The following HYDIN variants were observed in gnomAD, a reference collection of about 807,000 sequenced individuals.
The protein encoded by HYDIN is axonemal central pair apparatus protein HYDIN.
A neutral mutation model predicts 403.9 loss-of-function variants in HYDIN; 132 were observed. The observed-to-expected ratio is 0.33, with a 90% CI of 0.28 to 0.38. The LOEUF is 0.38. HYDIN is among the 10% of genes least tolerant of loss of function. The probability of loss-of-function intolerance (pLI) is 1.00; values close to 1 mark genes in which losing one functional copy is unlikely to be tolerated. For synonymous variants in HYDIN, 1,202 were observed against 1,891.7 expected (o/e 0.64, Z 9.46); for missense variants, 2,827 against 5,009.5 (o/e 0.56, Z 13.15).
rs905611310 is a variant in HYDIN at position 70,840,048 on chromosome 16, C to G, written c.13043+16G>C. ...GCAGCTAGAGAATCATTTGGAGGCT[C>G]TGGAAGCCTGCTTACCTCATAGGTG... On this transcript the variant is annotated intron_variant, in intron 76 of 85. Transcript: ENST00000393567. 1.6e-6 allele frequency: 1 copy of G among 621,270 alleles called. No homozygotes were observed. The allele number at this position is 621,270 out of a possible 1,614,324, so 38.5% of individuals were successfully genotyped here. A position where few individuals can be genotyped will look rare whatever the true frequency, so the allele number is the denominator to read the frequency against.
At chr16:71,079,559 A>G (rs1294000483) in intron 13 of HYDIN, among the ~76,000 whole-genome samples, 2 of 152,146 alleles carry the variant, frequency 1.3e-5, no homozygotes, top group Non-Finnish European at 2.9e-5. Context: ...CTTCTAGATG[A>G]AAGAGTTTTA....
intron 83 of HYDIN, among the ~76,000 whole-genome samples, chr16:70,821,951 T>G (rs1395096584): frequency 6.6e-6 from 1 of 152,192 alleles, no homozygotes; most frequent in Non-Finnish European, 1.5e-5. Context: ...TCTTTAATAA[T>G]GCACCTGGAC....
At chr16:71,082,244 T>C (rs2144346061) in intron 12 of HYDIN, among the ~76,000 whole-genome samples, 1 of 152,286 alleles carries the variant, frequency 6.6e-6, no homozygotes, top group African/African-American at 2.4e-5. Context: ...ACAGATGATG[T>C]ATTATACATG....
At chr16:70,892,634 G>A (rs1335580372) in intron 55 of HYDIN, 105 bp from the exon 56 acceptor site, 2 of 1,140,108 alleles carry the variant, frequency 1.8e-6, no homozygotes, top group South Asian at 1.7e-5. Context: ...TTCCAGCCCT[G>A]TTTAGCCACT....
chr16:70,876,064 T>C (rs566767748), intron 62 of HYDIN, among the ~76,000 whole-genome samples: 110 of 152,002 alleles, frequency 7.2e-4, no homozygotes, highest in Middle Eastern at 3.4e-3. Flanking sequence ...GAGGAGTAAA[T>C]AGACCAGGAT....
intron 10 of HYDIN, among the ~76,000 whole-genome samples, chr16:71,109,410 C>T (rs4788528): frequency 0.029 from 3,475 of 120,536 alleles, 582 homozygotes; most frequent in African/African-American, 0.2. Flanking sequence ...ATTATTTATA[C>T]GTATTTGCTT....
At chr16:70,994,355 G>C (rs2079460656) in intron 23 of HYDIN, among the ~76,000 whole-genome samples, 1 of 151,788 alleles carries the variant, frequency 6.6e-6, no homozygotes, top group Admixed American at 6.6e-5. Context: ...ATAGCATAGA[G>C]GGTAATCTGA....
intron 21 of HYDIN, among the ~76,000 whole-genome samples, chr16:71,021,249 CT>C (rs1370900096): frequency 6.7e-6 from 1 of 149,766 alleles, no homozygotes; most frequent in Non-Finnish European, 1.5e-5. Flanking sequence ...CAGAGTCTTG[CT>C]CTGTTGCCCA....
intron 1 of HYDIN, among the ~76,000 whole-genome samples, chr16:71,209,867 T>C (rs1312102344): frequency 2.0e-5 from 3 of 152,068 alleles, no homozygotes; most frequent in African/African-American, 4.8e-5. Context: ...GACAAAACAC[T>C]GTTCAAAGAA....
At chr16:71,184,022 T>C (rs1393242739) in intron 3 of HYDIN, among the ~76,000 whole-genome samples, 1 of 152,006 alleles carries the variant, frequency 6.6e-6, no homozygotes, top group African/African-American at 2.4e-5. Flanking sequence ...CCACTCAAAT[T>C]TGGAGGGTGG....
intron 10 of HYDIN, among the ~76,000 whole-genome samples, chr16:71,100,711 A>G (rs1162694772): frequency 2.6e-5 from 4 of 152,226 alleles, no homozygotes; most frequent in Middle Eastern, 3.2e-3. Flanking sequence ...AGGCTGAATA[A>G]TGCCCTCCAA....
chr16:70,945,998 G>A (rs1423381913), intron 41 of HYDIN, among the ~76,000 whole-genome samples: 1 of 152,046 alleles, frequency 6.6e-6, no homozygotes, highest in Non-Finnish European at 1.5e-5. Flanking sequence ...GGGATGTGGG[G>A]TCACGGGAAA....
chr16:70,862,144 G>A lies in HYDIN; in HGVS notation c.11681C>T (p.Pro3894Leu). 3 of 1,611,920 alleles carry A rather than the reference G, an allele frequency of 1.9e-6. No individual in the cohort carries two copies. The East Asian group carries it at 6.7e-5, about 36-fold the overall frequency. ...EGSPQPFSVE[P>L]SSGIVPVGKI... is the part of the protein sequence containing the mutation. ...CCCCACCGGCACGATTCCCGAAGAG[G>A]GCTCCACAGAGAAGGGCTGTGGGGA... The change falls in exon 69 of 86, where the codon CCC becomes CTC. Residue 3894 changes from proline (P) to leucine (L), a missense_variant. Coordinates refer to ENST00000393567, the MANE Select transcript of HYDIN (RefSeq NM_001270974.2).
chr16:71,042,527 G>T (rs2081317193), intron 18 of HYDIN, among the ~76,000 whole-genome samples: 1 of 150,952 alleles, frequency 6.6e-6, no homozygotes, highest in Non-Finnish European at 1.5e-5. Context: ...TTACTTTTTG[G>T]TGAGATAGAT....
rs1337731942 is a variant in HYDIN at position 71,064,729 on chromosome 16, T to TG, written c.2186dup (p.Gly730ArgfsTer4). On this transcript the variant is annotated frameshift_variant, in exon 16 of 86. Transcript: ENST00000393567. LOFTEE classifies it high-confidence loss of function. ...CCTGAGGCTGGACCTCATAGAATCC[T>TG]GGGAGGTCATCTTGATTGGCAAGCT... 1 of 1,613,894 alleles carries TG rather than the reference T, an allele frequency of 6.2e-7. No individual in the cohort carries two copies. Among genetic ancestry groups the TG allele is most frequent in the East Asian group, 2.2e-5 (1 of 44,868 alleles).
intron 10 of HYDIN, chr16:71,113,849 C>A (rs2083919971): frequency 6.6e-6 from 1 of 152,192 alleles, no homozygotes; most frequent in Non-Finnish European, 1.5e-5. Flanking sequence ...TCACGTCAGC[C>A]TCCCAAAGTG....
intron 53 of HYDIN, among the ~76,000 whole-genome samples, chr16:70,900,647 G>A (rs2076343702): frequency 6.7e-6 from 1 of 149,132 alleles, no homozygotes; most frequent in Non-Finnish European, 1.5e-5. Context: ...TCCGATAGGT[G>A]ACTGGGTTTA....
chr16:70,931,364 T>C (rs528175200), intron 45 of HYDIN, among the ~76,000 whole-genome samples: 168 of 151,182 alleles, frequency 1.1e-3, no homozygotes, highest in Non-Finnish European at 1.7e-3. Context: ...AATTGAGTCT[T>C]CTATTTCTTG....
intron 5 of HYDIN, among the ~76,000 whole-genome samples, chr16:71,168,154 C>T (rs1014496942): frequency 4.7e-5 from 7 of 150,356 alleles, no homozygotes; most frequent in Non-Finnish European, 7.4e-5. Context: ...CCCATCTCTA[C>T]TAAAAATACA....
Sources: gnomAD v4.1 joint callset for allele counts (sites outside exome capture counted in the v4.1 genomes callset) on GRCh38, gnomAD v4.1.1 for gene constraint, MANE v1.5 for transcripts, NCBI Gene and HGNC (gene_info 2026-07-23, HGNC 2026-07-21) for gene names.